Variants in COMMD10 observed in about 807,000 individuals in gnomAD.
The protein encoded by COMMD10 is COMM domain containing 10, also known as COMM domain-containing protein 10.
A neutral mutation model predicts 28.9 loss-of-function variants in COMMD10; 33 were observed. That is an observed-to-expected ratio of 1.14 (90% CI 0.87 to 1.53). The LOEUF (loss-of-function observed/expected upper bound fraction) is 1.53, where lower values mean the gene tolerates loss of function less well. COMMD10 is among the 40% of genes most tolerant of loss of function. COMMD10 has a pLI of 0.00. For synonymous variants in COMMD10, 110 were observed against 81.7 expected, an observed-to-expected ratio of 1.35 and a Z score of -1.87; for missense variants, 310 against 233.4, an observed-to-expected ratio of 1.33 and a Z score of -2.14.
At chr5:116,121,142 C>G (rs576089246) in intron 4 of COMMD10, among the ~76,000 whole-genome samples, 10 of 152,074 alleles carry the variant, frequency 6.6e-5, no homozygotes, top group Non-Finnish European at 1.5e-4. Context: ...TGCCCCCCAC[C>G]ACATGACAGG....
rs138420705 is a variant in COMMD10 at position 116,156,558 on chromosome 5, C to A, written c.510+22380C>A. Among the ~76,000 whole-genome samples the A allele has an allele frequency of 1.1e-3, 164 of 152,172 alleles. 1 individual carries two copies. The highest frequency in any genetic ancestry group is 3.9e-3 in the African/African-American group (161 of 41,522). ...ATGCCCTTTAAGCAACATTTTCGTTCTACTTCATATCTATAGAAAGTTGGG... is the reference window on the plus strand; with the variant it reads ...ATGCCCTTTAAGCAACATTTTCGTTATACTTCATATCTATAGAAAGTTGGG... On this transcript the variant is annotated intron_variant, in intron 5 of 6. Transcript: ENST00000274458.
chr5:116,127,631 A>G (rs1426088451), intron 4 of COMMD10, among the ~76,000 whole-genome samples: 3 of 152,232 alleles, frequency 2.0e-5, no homozygotes, highest in South Asian at 4.1e-4. Context: ...TTGTAGAGAC[A>G]TGGATGAAGC....
At chr5:116,286,052 C>A (rs889765390) in intron 5 of COMMD10, among the ~76,000 whole-genome samples, 1 of 151,638 alleles carries the variant, frequency 6.6e-6, no homozygotes, top group East Asian at 1.9e-4. Flanking sequence ...CATTATTGAT[C>A]TGTTCATATT....
chr5:116,181,828 G>A (rs1747977477), intron 5 of COMMD10, among the ~76,000 whole-genome samples: 1 of 151,932 alleles, frequency 6.6e-6, no homozygotes, highest in Non-Finnish European at 1.5e-5. Flanking sequence ...CAACATCTCA[G>A]CATTTCTTTA....
At chr5:116,182,876 G>A (rs1387087992) in intron 5 of COMMD10, among the ~76,000 whole-genome samples, 1 of 152,054 alleles carries the variant, frequency 6.6e-6, no homozygotes, top group Non-Finnish European at 1.5e-5. Context: ...CCCCCATGCT[G>A]TCCTTATGAT....
chr5:116,110,532 C>A (rs1001182951), intron 4 of COMMD10, among the ~76,000 whole-genome samples: 1 of 152,172 alleles, frequency 6.6e-6, no homozygotes, highest in Non-Finnish European at 1.5e-5. Flanking sequence ...CTGATTTAAT[C>A]TCACTACCCA....
chr5:116,278,337 A>G (rs984023206), intron 5 of COMMD10, among the ~76,000 whole-genome samples: 5 of 151,806 alleles, frequency 3.3e-5, no homozygotes, highest in African/African-American at 7.3e-5. Context: ...TTCAGTACCA[A>G]AGCTGAAAAA....
At chr5:116,174,472 G>A (rs1005789375) in intron 5 of COMMD10, among the ~76,000 whole-genome samples, 1 of 152,162 alleles carries the variant, frequency 6.6e-6, no homozygotes, top group African/African-American at 2.4e-5. Flanking sequence ...GATCACTATA[G>A]CTACTGCACA....
At chr5:116,120,276 CT>C (rs1366160514) in intron 4 of COMMD10, among the ~76,000 whole-genome samples, 1 of 152,090 alleles carries the variant, frequency 6.6e-6, no homozygotes. Context: ...ATCTTACGTT[CT>C]CCCTTATTGG....
intron 5 of COMMD10, among the ~76,000 whole-genome samples, chr5:116,278,393 A>G (rs752565098): frequency 4.6e-5 from 7 of 151,846 alleles, no homozygotes; most frequent in Non-Finnish European, 1.0e-4. Flanking sequence ...TGGTTAATGA[A>G]TACTATACAA....
At chr5:116,161,490 A>T (rs761409466) in intron 5 of COMMD10, among the ~76,000 whole-genome samples, 25 of 152,184 alleles carry the variant, frequency 1.6e-4, no homozygotes, top group Non-Finnish European at 2.9e-4. Context: ...ACAAATCAGC[A>T]TATGACTTTT....
chr5:116,245,025 A>G (rs527519218), intron 5 of COMMD10, among the ~76,000 whole-genome samples: 20 of 144,162 alleles, frequency 1.4e-4, no homozygotes, highest in African/African-American at 4.8e-4. Context: ...AAATCATTCA[A>G]AACATAAATC....
chr5:116,126,707 A>G (rs1414309663), intron 4 of COMMD10, among the ~76,000 whole-genome samples: 1 of 152,194 alleles, frequency 6.6e-6, no homozygotes, highest in Non-Finnish European at 1.5e-5. Context: ...GTTGCTGGGA[A>G]AACAGGCTAG....
intron 5 of COMMD10, among the ~76,000 whole-genome samples, chr5:116,152,889 C>G (rs1355549971): frequency 1.3e-5 from 2 of 151,910 alleles, no homozygotes; most frequent in Non-Finnish European, 2.9e-5. Context: ...TTTGTGAAAT[C>G]TTTTTTTGCT....
intron 5 of COMMD10, among the ~76,000 whole-genome samples, chr5:116,192,905 A>C (rs536768897): frequency 4.7e-4 from 71 of 152,234 alleles, no homozygotes; most frequent in Non-Finnish European, 8.7e-4. Flanking sequence ...AAGAGCTGTG[A>C]GACAGAAGCA....
intron 4 of COMMD10, among the ~76,000 whole-genome samples, chr5:116,100,958 T>G (rs532970185): frequency 6.6e-6 from 1 of 152,290 alleles, no homozygotes; most frequent in South Asian, 2.1e-4. Context: ...GTGTACACAT[T>G]ATTTAGCTCC....
intron 2 of COMMD10, among the ~76,000 whole-genome samples, chr5:116,088,519 A>G (rs538976534): frequency 6.6e-6 from 1 of 152,192 alleles, no homozygotes; most frequent in East Asian, 1.9e-4. Flanking sequence ...CCATTGCCCT[A>G]TGGAGAAAAG....
At chr5:116,203,310 C>G (rs1270288194) in intron 5 of COMMD10, among the ~76,000 whole-genome samples, 1 of 152,080 alleles carries the variant, frequency 6.6e-6, no homozygotes, top group African/African-American at 2.4e-5. Context: ...AGTTGGAAAA[C>G]ACTCTGCAGG....
chr5:116,278,791 T>C (rs1339214312), intron 5 of COMMD10, among the ~76,000 whole-genome samples: 2 of 151,780 alleles, frequency 1.3e-5, no homozygotes, highest in Non-Finnish European at 2.9e-5. Flanking sequence ...TGTGAGGTGC[T>C]ACCTTTTTAA....
Sources: gnomAD v4.1 joint callset for allele counts (sites outside exome capture counted in the v4.1 genomes callset) on GRCh38, gnomAD v4.1.1 for gene constraint, MANE v1.5 for transcripts, NCBI Gene and HGNC (gene_info 2026-07-23, HGNC 2026-07-21) for gene names.